ZMYND12: variants seen among roughly 807,000 people sequenced by gnomAD.
ZMYND12 encodes the protein zinc finger MYND domain-containing protein 12.
In ZMYND12, 32 loss-of-function variants were observed where a neutral mutation model predicts 41.7. The observed-to-expected ratio is 0.77, with a 90% CI of 0.58 to 1.03. The LOEUF (loss-of-function observed/expected upper bound fraction) is 1.03, where lower values mean the gene tolerates loss of function less well. Ranked by LOEUF, ZMYND12 falls within the 50% of genes least tolerant of loss-of-function variation. The pLI is 0.00. For missense variants in ZMYND12, 424 were observed against 438.5 expected, an observed-to-expected ratio of 0.97 and a Z score of 0.30; for synonymous variants, 148 against 164.8, an observed-to-expected ratio of 0.90 and a Z score of 0.78.
Position 42,436,619 on chromosome 1 carries a change from A to G in ZMYND12, c.595-76T>C, listed in dbSNP as rs1337553209. On this transcript the variant is annotated intron_variant, in intron 4 of 7. Transcript: ENST00000372565. ...TATCTGATAAAGGACTTGTATCTAG[A>G]ATACATACAAAAAACTGTTACAACA... is the stretch of plus-strand genomic sequence containing the variant. 24 of 1,514,494 alleles carry G rather than the reference A, an allele frequency of 1.6e-5. No individual in the cohort carries two copies. In the East Asian group the frequency reaches 5.6e-4, roughly 36 times the overall value. 93.8% of individuals were successfully genotyped at this position (1,514,494 alleles called of 1,614,324 possible). A position where few individuals can be genotyped will look rare whatever the true frequency, so the allele number is the denominator to read the frequency against.
rs1316014200 is a variant in ZMYND12 at position 42,450,127 on chromosome 1, TA to T, written c.111-69del. 1.9e-6 allele frequency: 3 copies of T among 1,570,448 alleles called. No individual in the cohort carries two copies. The Admixed American group carries it at 5.1e-5, about 27-fold the overall frequency. On this transcript the variant is annotated intron_variant, in intron 1 of 7. Coordinates refer to ENST00000372565, the MANE Select transcript of ZMYND12 (RefSeq NM_032257.5). ...TGACTTAAGATTCCATTAACCCTCC[TA>T]CTGGCCTATCCCTAGACACCAGAAA...
chr1:42,444,458 A>G (rs906436319), intron 3 of ZMYND12, among the ~76,000 whole-genome samples: 2 of 152,218 alleles, frequency 1.3e-5, no homozygotes, highest in African/African-American at 4.8e-5. Flanking sequence ...GTGAAGTTAC[A>G]GTGAAATCTT....
chr1:42,446,891 A>G (rs1476869138), intron 3 of ZMYND12, among the ~76,000 whole-genome samples: 1 of 152,164 alleles, frequency 6.6e-6, no homozygotes, highest in African/African-American at 2.4e-5. Context: ...GTGAGCAAAG[A>G]ACAAATGGGG....
At chr1:42,453,467 C>T (rs1424479368) in intron 1 of ZMYND12, among the ~76,000 whole-genome samples, 1 of 152,114 alleles carries the variant, frequency 6.6e-6, no homozygotes, top group Non-Finnish European at 1.5e-5. Context: ...ACTTGACAGT[C>T]CCTCTGTACA....
At chr1:42,444,773 G>GACT (rs199989905) in intron 3 of ZMYND12, among the ~76,000 whole-genome samples, 2,875 of 151,164 alleles carry the variant, frequency 0.019, 105 homozygotes, top group African/African-American at 0.066. Context: ...ATTATTAATG[G>GACT]ACTAAGTGCT....
chr1:42,436,301 A>T lies in ZMYND12; in HGVS notation c.717+120T>A, dbSNP rs1642907240. On this transcript the variant is annotated intron_variant, in intron 5 of 7. Coordinates refer to ENST00000372565, the MANE Select transcript of ZMYND12 (RefSeq NM_032257.5). Reference sequence around the variant, plus strand: ...CAGGCTATATAGTCTTGGGCAAGCCACTTCATCTCTCTGTGCCTCTCTTTC... The same window carrying T: ...CAGGCTATATAGTCTTGGGCAAGCCTCTTCATCTCTCTGTGCCTCTCTTTC... 4.9e-6 allele frequency: 7 copies of T among 1,441,770 alleles called. No homozygotes were observed. The Middle Eastern group carries it at 6.4e-4, about 133-fold the overall frequency. The allele number at this position is 1,441,770 out of a possible 1,614,324, so 89.3% of individuals were successfully genotyped here.
chr1:42,443,356 A>G (rs1642989994), intron 3 of ZMYND12, among the ~76,000 whole-genome samples: 1 of 152,150 alleles, frequency 6.6e-6, no homozygotes, highest in South Asian at 2.1e-4. Flanking sequence ...GAGGTGGTGG[A>G]GACATAAAGG....
In ZMYND12 at chr1:42,434,274, C is replaced by A. The variant is rs16829504; in HGVS notation, c.830-986G>T. On this transcript the variant is annotated intron_variant, in intron 6 of 7. Transcript: ENST00000372565. ...TGTACGGTACTATTCAACACTTAGC[C>A]CTTTGCTGGCCCGGGGAATACAGTT... is the stretch of plus-strand genomic sequence containing the variant. Among the ~76,000 whole-genome samples the A allele has an allele frequency of 3.9e-3, 587 of 152,298 alleles. 2 individuals carry two copies. Among genetic ancestry groups the A allele is most frequent in the African/African-American group, 0.013 (559 of 41,564 alleles).
At chr1:42,430,914 G>A (rs1478321975) in intron 7 of ZMYND12, 56 bp from the exon 8 acceptor site, 2 of 1,605,404 alleles carry the variant, frequency 1.2e-6, no homozygotes, top group East Asian at 4.5e-5. Flanking sequence ...ATAACACTGG[G>A]AAGCCCCATC....
intron 3 of ZMYND12, among the ~76,000 whole-genome samples, chr1:42,445,449 A>C (rs180730473): frequency 2.3e-4 from 34 of 150,082 alleles, no homozygotes; most frequent in Admixed American, 6.0e-4. Context: ...AAAAAAAAAA[A>C]GGGGAGACCC....
chr1:42,433,238 T>C lies in ZMYND12; in HGVS notation c.880A>G (p.Ile294Val), dbSNP rs1450563793. 1 of 1,612,766 alleles carries C rather than the reference T, an allele frequency of 6.2e-7. No homozygotes were observed. The highest frequency in any genetic ancestry group is 1.7e-5 in the Admixed American group (1 of 59,726). The change falls in exon 7 of 8, where the codon ATT (isoleucine) becomes GTT (valine). Residue 294 changes from isoleucine (I) to valine (V), a missense_variant. Coordinates refer to ENST00000372565, the MANE Select transcript of ZMYND12 (RefSeq NM_032257.5). ...GCTTTGTCAGATGTAGATTCTCGAA[T>C]GTTCAAGATTGAAGTCAGGATGCGA... ...AIRILTSILN[I>V]RESTSDKAPQ...
chr1:42,433,988 A>G (rs1642881487), intron 6 of ZMYND12, among the ~76,000 whole-genome samples: 2 of 152,228 alleles, frequency 1.3e-5, no homozygotes, highest in Admixed American at 1.3e-4. Flanking sequence ...AACTATTTAC[A>G]TAATGAGAGA....
At position 42,455,894 on chromosome 1, in the gene ZMYND12, T is replaced by A; in HGVS notation, c.104A>T (p.Tyr35Phe). The change falls in exon 1 of 8, where the codon TAT (tyrosine) becomes TTT (phenylalanine). Residue 35 changes from tyrosine (Y) to phenylalanine (F), a missense_variant. Tyr to Phe is a conservative substitution (Grantham distance 22, BLOSUM62 3). Coordinates refer to ENST00000372565, the MANE Select transcript of ZMYND12 (RefSeq NM_032257.5). Reference sequence around the variant, plus strand: ...GCCACGTTTCAGGGCCTACCAGTAATAAGTGACTGTGCAGGCCGCGCACAC... The same window carrying A: ...GCCACGTTTCAGGGCCTACCAGTAAAAAGTGACTGTGCAGGCCGCGCACAC... ...ERVCAACTVT[Y>F]YCGVVHQKAD... is the part of the protein sequence containing the mutation. 5 of 1,611,196 alleles carry A rather than the reference T, an allele frequency of 3.1e-6. No individual in the cohort carries two copies. The highest frequency in any genetic ancestry group is 4.2e-6 in the Non-Finnish European group (5 of 1,178,140).
intron 1 of ZMYND12, among the ~76,000 whole-genome samples, chr1:42,454,727 C>T (rs1220579155): frequency 1.4e-5 from 2 of 146,972 alleles, no homozygotes; most frequent in African/African-American, 2.5e-5. Context: ...TTTTGAGACA[C>T]AGTTTCACTC....
At chr1:42,432,945 G>C in intron 7 of ZMYND12, 198 bp downstream of exon 7, 1 of 605,802 alleles carries the variant, frequency 1.7e-6, no homozygotes, top group South Asian at 2.3e-5. Context: ...GAACCCTCGG[G>C]GGAAGAAGAC....
rs1440697266 is a variant in ZMYND12, at chr1:42,433,209, G to T, written c.909C>A (p.Pro303=). ...NIRESTSDKA[P]QKTIFVLKIL... ...TCTTCAGAACAAAGATGGTTTTTTG[G>T]GGGGCTTTGTCAGATGTAGATTCTC... is the stretch of plus-strand genomic sequence containing the variant. Residue 303 remains proline (P), a synonymous_variant, in exon 7 of 8, where the codon CCC becomes CCA. Coordinates refer to ENST00000372565, the MANE Select transcript of ZMYND12 (RefSeq NM_032257.5). 6.2e-7 allele frequency: 1 copy of T among 1,612,304 alleles called. No individual in the cohort carries two copies.
chr1:42,447,204 T>A (rs1275873983), intron 3 of ZMYND12, among the ~76,000 whole-genome samples: 1 of 152,074 alleles, frequency 6.6e-6, no homozygotes, highest in African/African-American at 2.4e-5. Flanking sequence ...AAAATGAACA[T>A]CATCAGTAAT....
intron 2 of ZMYND12, 97 bp from the exon 3 acceptor site, chr1:42,448,735 C>G: frequency 2.5e-6 from 3 of 1,221,570 alleles, no homozygotes; most frequent in Non-Finnish European, 3.4e-6. Flanking sequence ...CCTAATGACC[C>G]AGTTAAAGGC....
intron 3 of ZMYND12, among the ~76,000 whole-genome samples, chr1:42,445,722 C>T (rs7551439): frequency 0.014 from 2,179 of 152,096 alleles, 50 homozygotes; most frequent in African/African-American, 0.05. Flanking sequence ...AATTTGTTAA[C>T]GGCTAGATCA....
Sources: gnomAD v4.1 joint callset for allele counts (sites outside exome capture counted in the v4.1 genomes callset) on GRCh38, gnomAD v4.1.1 for gene constraint, MANE v1.5 for transcripts, NCBI Gene and HGNC (gene_info 2026-07-23, HGNC 2026-07-21) for gene names.